The following TYW1B variants were observed in gnomAD, a reference collection of about 807,000 sequenced individuals.
The protein encoded by TYW1B is tRNA-yW synthesizing protein 1 homolog B.
Under a neutral mutation model 86.9 loss-of-function variants are expected in TYW1B, and 73 were observed. The ratio of observed to expected loss-of-function variants is 0.84; its 90% CI spans 0.70 to 1.02. TYW1B has a LOEUF of 1.02. Among genes scored for constraint, TYW1B ranks in the 50% least tolerant of loss-of-function variants. TYW1B has a pLI of 0.00. For synonymous variants in TYW1B, 248 were observed against 292.8 expected, an observed-to-expected ratio of 0.85 and a Z score of 1.56; for missense variants, 637 against 827.4, an observed-to-expected ratio of 0.77 and a Z score of 2.82.
chr7:72,603,736 G>A (rs1270446319), intron 13 of TYW1B, among the ~76,000 whole-genome samples: 1 of 151,402 alleles, frequency 6.6e-6, no homozygotes, highest in Admixed American at 6.6e-5. Context: ...TGATGAAAAC[G>A]GCACTTCACC....
intron 9 of TYW1B, among the ~76,000 whole-genome samples, chr7:72,728,357 A>G (rs1310211005): frequency 3.3e-5 from 5 of 152,116 alleles, no homozygotes; most frequent in Non-Finnish European, 7.4e-5. Flanking sequence ...CCCAGGTTGG[A>G]GTGGAGTGGA....
chr7:72,622,660 A>ACACATG (rs1347144076), intron 12 of TYW1B, among the ~76,000 whole-genome samples: 1 of 151,976 alleles, frequency 6.6e-6, no homozygotes, highest in Non-Finnish European at 1.5e-5. Flanking sequence ...CATACCACAC[A>ACACATG]CACATGCACA....
intron 13 of TYW1B, among the ~76,000 whole-genome samples, chr7:72,596,179 C>CAAAAAAAAAAAAAA (rs58325295): frequency 8.9e-5 from 5 of 56,378 alleles, no homozygotes; most frequent in African/African-American, 1.4e-4. Flanking sequence ...AACTCTGTCT[C>CAAAAAAAAAAAAAA]AAAAAAAAAA....
intron 4 of TYW1B, 33 bp from the exon 5 acceptor site, chr7:72,807,389 G>A (rs1788519461): frequency 6.3e-7 from 1 of 1,591,346 alleles, no homozygotes. Flanking sequence ...CTAAAAGCAC[G>A]GTTCTCTAAA....
At chr7:72,753,744 G>A (rs1554465509) in intron 7 of TYW1B, among the ~76,000 whole-genome samples, 1 of 152,084 alleles carries the variant, frequency 6.6e-6, no homozygotes, top group Non-Finnish European at 1.5e-5. Flanking sequence ...CTCCCAAAGT[G>A]CTGAGATTAC....
intron 10 of TYW1B, among the ~76,000 whole-genome samples, chr7:72,699,551 A>C (rs1379913490): frequency 1.3e-5 from 2 of 152,220 alleles, no homozygotes; most frequent in African/African-American, 4.8e-5. Flanking sequence ...AAAAATCCAA[A>C]AAGCTCTAAT....
At chr7:72,669,695 G>A (rs1489086834) in intron 11 of TYW1B, among the ~76,000 whole-genome samples, 1 of 151,870 alleles carries the variant, frequency 6.6e-6, no homozygotes, top group African/African-American at 2.4e-5. Context: ...TCTTGAACCC[G>A]GGAGGCAGAG....
intron 11 of TYW1B, among the ~76,000 whole-genome samples, chr7:72,663,733 C>T (rs1813391135): frequency 1.7e-5 from 2 of 119,210 alleles, no homozygotes; most frequent in South Asian, 2.7e-4. Context: ...CACTGCACTC[C>T]AGCCTGGGAG....
intron 7 of TYW1B, among the ~76,000 whole-genome samples, chr7:72,746,435 C>A (rs142702335): frequency 2.0e-5 from 3 of 152,282 alleles, no homozygotes; most frequent in African/African-American, 7.2e-5. Flanking sequence ...TCCACAAAAT[C>A]TCATGCCACT....
intron 6 of TYW1B, among the ~76,000 whole-genome samples, chr7:72,795,825 T>C (rs1453457022): frequency 1.9e-5 from 1 of 53,802 alleles, no homozygotes; most frequent in Non-Finnish European, 3.7e-5. Context: ...GTTTTGTTTT[T>C]GAGAAGGAAT....
chr7:72,669,301 C>T (rs1269977710), intron 11 of TYW1B, among the ~76,000 whole-genome samples: 3 of 151,680 alleles, frequency 2.0e-5, no homozygotes, highest in Admixed American at 6.6e-5. Context: ...CCTGCCACCA[C>T]GCCCGGCTAA....
At chr7:72,708,768 T>C (rs1274482215) in intron 10 of TYW1B, among the ~76,000 whole-genome samples, 1 of 152,154 alleles carries the variant, frequency 6.6e-6, no homozygotes, top group African/African-American at 2.4e-5. Flanking sequence ...GCAGGGAGCA[T>C]CCTTAGTTTA....
intron 6 of TYW1B, among the ~76,000 whole-genome samples, chr7:72,797,289 A>T (rs1554474615): frequency 2.0e-5 from 3 of 152,202 alleles, no homozygotes; most frequent in Non-Finnish European, 4.4e-5. Context: ...GAGCTTAATC[A>T]ACTGCCCAAT....
intron 13 of TYW1B, among the ~76,000 whole-genome samples, chr7:72,576,575 T>C (rs1811027277): frequency 6.7e-6 from 1 of 150,082 alleles, no homozygotes; most frequent in Admixed American, 6.7e-5. Context: ...TGTAGTGGCC[T>C]GATCTCGGCT....
intron 12 of TYW1B, among the ~76,000 whole-genome samples, chr7:72,617,486 C>G (rs1409304330): frequency 1.2e-4 from 18 of 152,094 alleles, no homozygotes; most frequent in African/African-American, 3.6e-4. Flanking sequence ...CGTGCCTCAG[C>G]CTTCCGAGTA....
intron 9 of TYW1B, among the ~76,000 whole-genome samples, chr7:72,726,472 C>T (rs1200878381): frequency 6.6e-6 from 1 of 151,596 alleles, no homozygotes; most frequent in African/African-American, 2.4e-5. Flanking sequence ...AAGCGATTCT[C>T]CTGCCTCAGC....
chr7:72,644,881 G>A (rs1290620928), intron 11 of TYW1B, among the ~76,000 whole-genome samples: 2 of 143,704 alleles, frequency 1.4e-5, no homozygotes, highest in African/African-American at 5.3e-5. Context: ...AGGCTGGAGT[G>A]CAGTGCCGCG....
At chr7:72,615,995 T>C (rs1258039674) in intron 13 of TYW1B, among the ~76,000 whole-genome samples, 3 of 152,116 alleles carry the variant, frequency 2.0e-5, no homozygotes, top group Admixed American at 6.6e-5. Context: ...ATATGTTTAA[T>C]TGGAGTCCTA....
At chr7:72,770,499 A>T (rs1787849267) in intron 7 of TYW1B, among the ~76,000 whole-genome samples, 1 of 152,110 alleles carries the variant, frequency 6.6e-6, no homozygotes, top group Non-Finnish European at 1.5e-5. Context: ...TCACAACCAT[A>T]AAAATGCCTA....
Sources: gnomAD v4.1 joint callset for allele counts (sites outside exome capture counted in the v4.1 genomes callset) on GRCh38, gnomAD v4.1.1 for gene constraint, MANE v1.5 for transcripts, NCBI Gene and HGNC (gene_info 2026-07-23, HGNC 2026-07-21) for gene names.